Variants in TSGA10 observed in about 807,000 individuals in gnomAD.
TSGA10 encodes the protein testis-specific gene 10 protein.
TSGA10 carries 43 observed loss-of-function variants against 96.6 expected under a neutral mutation model. That is an observed-to-expected ratio of 0.44 (90% CI 0.35 to 0.57). The LOEUF (loss-of-function observed/expected upper bound fraction) is 0.57. Among genes scored for constraint, TSGA10 ranks in the 20% least tolerant of loss-of-function variants. The probability of loss-of-function intolerance (pLI) is 0.01; values close to 1 mark genes in which losing one functional copy is unlikely to be tolerated. For synonymous variants in TSGA10, 229 were observed against 269.9 expected (o/e 0.85, Z 1.48); for missense variants, 703 against 834.4 (o/e 0.84, Z 1.94).
At chr2:99,059,702 C>G (rs1032777402) in intron 16 of TSGA10, among the ~76,000 whole-genome samples, 2 of 149,488 alleles carry the variant, frequency 1.3e-5, no homozygotes, top group Non-Finnish European at 3.0e-5. Flanking sequence ...TTCAACTTGA[C>G]AAAATGCTTC....
chr2:99,081,312 C>T lies in TSGA10; in HGVS notation c.697G>A (p.Glu233Lys). The T allele has an allele frequency of 1.3e-6, 2 of 1,584,220 alleles. No individual in the cohort carries two copies. The highest frequency in any genetic ancestry group is 1.7e-6 in the Non-Finnish European group (2 of 1,166,546). Residue 233 changes from glutamate to lysine, a missense_variant, in exon 11 of 21, where the codon GAG (glutamate) becomes AAG (lysine). By Grantham distance (56) the Glu-to-Lys change is moderately conservative. This residue lies in a region of TSGA10 where 585 missense variants were observed against 656.8 expected (regional missense o/e 0.89). Transcript: ENST00000393483. ...KKKYELQLTQ[E>K]KIMCLDEKID... ...TTTTCATCCAAGCACATAATTTTCT[C>T]CTGAGTAAGCTGTAGCTCATATTTT...
intron 16 of TSGA10, among the ~76,000 whole-genome samples, chr2:99,044,699 C>T (rs750372361): frequency 2.0e-4 from 31 of 152,112 alleles, no homozygotes; most frequent in Non-Finnish European, 4.1e-4. Flanking sequence ...GACAACAGAA[C>T]TCTCCACTCC....
At chr2:99,101,081 G>A (rs552061327) in intron 10 of TSGA10, among the ~76,000 whole-genome samples, 43 of 150,280 alleles carry the variant, frequency 2.9e-4, no homozygotes, top group Middle Eastern at 3.5e-3. Context: ...GGCTAACACC[G>A]TGAAACCCCA....
chr2:99,019,797 G>A lies in TSGA10; in HGVS notation c.1817+483C>T, dbSNP rs910476264. ...TTAATAAGGTGCTAGGAGTGCTAGA[G>A]ATCCTAAAGAAAAGAAAAAGAAAGA... On this transcript the variant is annotated intron_variant, in intron 18 of 20. Transcript: ENST00000393483. Among the ~76,000 whole-genome samples the A allele has an allele frequency of 5.3e-5, 8 of 152,258 alleles. 1 individual carries two copies. The highest frequency in any genetic ancestry group is 3.4e-3 in the Middle Eastern group (1 of 294).
intron 2 of TSGA10, among the ~76,000 whole-genome samples, chr2:99,120,004 G>C (rs2092486482): frequency 6.6e-6 from 1 of 152,040 alleles, no homozygotes; most frequent in Admixed American, 6.5e-5. Context: ...TGTTCTTGGT[G>C]CTTCTCCTTT....
intron 7 of TSGA10, 69 bp from the exon 8 acceptor site, chr2:99,105,766 T>C (rs1307791806): frequency 7.3e-6 from 10 of 1,361,312 alleles, no homozygotes; most frequent in Non-Finnish European, 9.9e-6. Flanking sequence ...ATTTTATGTA[T>C]CTAGCCAGTT....
chr2:99,031,935 A>G (rs148378056), intron 17 of TSGA10, among the ~76,000 whole-genome samples: 21 of 152,346 alleles, frequency 1.4e-4, no homozygotes, highest in African/African-American at 5.0e-4. Flanking sequence ...TGCTGCAAAT[A>G]TAGATTAACA....
chr2:99,120,526 T>C (rs1459427018), intron 2 of TSGA10, among the ~76,000 whole-genome samples: 1 of 152,184 alleles, frequency 6.6e-6, no homozygotes, highest in African/African-American at 2.4e-5. Flanking sequence ...ATTTGCAGAA[T>C]TGTCATTAGA....
At chr2:99,135,310 G>A (rs931502469) in intron 1 of TSGA10, among the ~76,000 whole-genome samples, 1 of 152,174 alleles carries the variant, frequency 6.6e-6, no homozygotes, top group African/African-American at 2.4e-5. Flanking sequence ...GAGGCAGTCT[G>A]GCTACAGCAG....
At chr2:99,046,171 G>A (rs1299680041) in intron 16 of TSGA10, among the ~76,000 whole-genome samples, 1 of 152,244 alleles carries the variant, frequency 6.6e-6, no homozygotes, top group Non-Finnish European at 1.5e-5. Context: ...CAGCGAGACA[G>A]AAAGTTAACA....
In TSGA10 at chr2:99,071,784, G is replaced by A. The variant is rs201454978; in HGVS notation, c.1029C>T (p.Ile343=). The change falls in exon 14 of 21, where the codon ATC becomes ATT. Residue 343 remains isoleucine, a synonymous_variant. Transcript: ENST00000393483. ...GAGCCAAGATATCTCTTTCCCTGGC[G>A]ATCTGGGCCAGCTCATCATTTGTCT... ...LDETNDELAQ[I]ARERDILAHD... The A allele has an allele frequency of 6.4e-5, 104 of 1,613,770 alleles. No individual in the cohort carries two copies. The highest frequency in any genetic ancestry group is 2.8e-4 in the Admixed American group (17 of 59,972).
intron 9 of TSGA10, among the ~76,000 whole-genome samples, chr2:99,104,506 G>A (rs568572697): frequency 1.3e-5 from 2 of 149,228 alleles, no homozygotes; most frequent in African/African-American, 4.9e-5. Context: ...ACAGAGTATC[G>A]CTCCATCGCC....
chr2:99,024,058 G>T (rs997879008), intron 17 of TSGA10, among the ~76,000 whole-genome samples: 1 of 151,274 alleles, frequency 6.6e-6, no homozygotes, highest in Admixed American at 6.6e-5. Context: ...TTTAATTTCT[G>T]TTGACAATGT....
intron 12 of TSGA10, among the ~76,000 whole-genome samples, chr2:99,078,378 C>T (rs2087010009): frequency 2.0e-5 from 3 of 150,820 alleles, no homozygotes; most frequent in African/African-American, 7.3e-5. Context: ...ACTTTATTGT[C>T]ATGCTTTATA....
chr2:99,072,999 TG>T lies in TSGA10; in HGVS notation c.938+18del, dbSNP rs779576303. ...GCCCCCCAGTAAGAGCTCATATATT[TG>T]TTGCACGACTGATTTACCTTGATGC... On this transcript the variant is annotated intron_variant, in intron 13 of 20. Transcript: ENST00000393483. 6.3e-7 allele frequency: 1 copy of T among 1,592,262 alleles called. No individual in the cohort carries two copies. Among genetic ancestry groups the T allele is most frequent in the Non-Finnish European group, 8.6e-7 (1 of 1,163,138 alleles).
intron 1 of TSGA10, among the ~76,000 whole-genome samples, chr2:99,145,074 T>C (rs557389968): frequency 2.6e-5 from 4 of 152,330 alleles, no homozygotes; most frequent in Admixed American, 1.3e-4. Context: ...AAAATCAAGA[T>C]GTCAGGCAGG....
intron 16 of TSGA10, among the ~76,000 whole-genome samples, chr2:99,042,980 T>TTA (rs2082346808): frequency 6.6e-6 from 1 of 152,116 alleles, no homozygotes; most frequent in Admixed American, 6.5e-5. Flanking sequence ...ATTACAGGGA[T>TTA]GAGGCCACCA....
At chr2:99,054,325 T>A (rs1158858817) in intron 16 of TSGA10, among the ~76,000 whole-genome samples, 1 of 152,102 alleles carries the variant, frequency 6.6e-6, no homozygotes, top group Non-Finnish European at 1.5e-5. Flanking sequence ...TGGAGAAGAA[T>A]GAGATTGGAC....
At chr2:99,090,534 G>T (rs771531177) in intron 10 of TSGA10, among the ~76,000 whole-genome samples, 5 of 152,004 alleles carry the variant, frequency 3.3e-5, no homozygotes, top group Non-Finnish European at 7.4e-5. Flanking sequence ...AATGATACAA[G>T]ATATGAGGGA....
Sources: gnomAD v4.1 joint callset for allele counts (sites outside exome capture counted in the v4.1 genomes callset) on GRCh38, gnomAD v4.1.1 for gene constraint, gnomAD v4.1.1 regional missense constraint, MANE v1.5 for transcripts, NCBI Gene and HGNC (gene_info 2026-07-23, HGNC 2026-07-21) for gene names.